Variants in KCNAB1 observed in about 807,000 individuals in gnomAD.
The protein encoded by KCNAB1 is voltage-gated potassium channel subunit beta-1.
Under a neutral mutation model 64.6 loss-of-function variants are expected in KCNAB1, and 35 were observed. That is an observed-to-expected ratio of 0.54 (90% CI 0.41 to 0.72). KCNAB1 has a LOEUF of 0.72. Ranked by LOEUF, KCNAB1 falls within the 30% of genes least tolerant of loss-of-function variation. KCNAB1 has a pLI of 0.00. For synonymous variants in KCNAB1, 177 were observed against 183.8 expected (o/e 0.96, Z 0.30); for missense variants, 401 against 512.9 (o/e 0.78, Z 2.11).
At chr3:156,166,170 T>C in intron 1 of KCNAB1, among the ~76,000 whole-genome samples, 1 of 152,222 alleles carries the variant, frequency 6.6e-6, no homozygotes, top group Non-Finnish European at 1.5e-5. Context: ...AAGACTAATG[T>C]CTCAGATGAT....
intron 8 of KCNAB1, among the ~76,000 whole-genome samples, chr3:156,491,022 C>T (rs1429467858): frequency 6.6e-6 from 1 of 152,134 alleles, no homozygotes; most frequent in Non-Finnish European, 1.5e-5. Context: ...GGAACCAAAA[C>T]ACCATGAAGC....
chr3:156,158,989 G>A (rs1313861116), intron 1 of KCNAB1, among the ~76,000 whole-genome samples: 1 of 152,134 alleles, frequency 6.6e-6, no homozygotes, highest in Non-Finnish European at 1.5e-5. Context: ...CTCCTAAGCT[G>A]CCTGACTGAG....
Position 156,333,337 on chromosome 3 carries a change from CACACAT to C in KCNAB1, c.276-88273_276-88268del, listed in dbSNP as rs758199642. On this transcript the variant is annotated intron_variant, in intron 1 of 13. Transcript: ENST00000490337. ...ACATAGAAACACACACACACACACA[CACACAT>C]ACACACACACACACACACGTGTATA... Among the ~76,000 whole-genome samples, 915 of 140,702 alleles carry C rather than the reference CACACAT, an allele frequency of 6.5e-3. 10 individuals are homozygous for C. Among genetic ancestry groups the C allele is most frequent in the East Asian group, 0.054 (272 of 5,080 alleles). 92.3% of individuals were successfully genotyped at this position (140,702 alleles called of 152,430 possible).
chr3:156,152,401 C>T lies in KCNAB1; in HGVS notation c.275+31515C>T, dbSNP rs1461295584. Among the ~76,000 whole-genome samples the T allele has an allele frequency of 4.6e-5, 7 of 152,234 alleles. No homozygotes were observed. The East Asian group carries it at 1.2e-3, about 25-fold the overall frequency. ...CCATCCCAAGAGGCTGAAGTGGCAG[C>T]CGAAGGAGAGGCCTGATACCAGCTG... On this transcript the variant is annotated intron_variant, in intron 1 of 13. Coordinates refer to ENST00000490337, the MANE Select transcript of KCNAB1 (RefSeq NM_172160.3).
At chr3:156,188,796 C>A (rs542861187) in intron 1 of KCNAB1, among the ~76,000 whole-genome samples, 13 of 152,246 alleles carry the variant, frequency 8.5e-5, no homozygotes, top group Middle Eastern at 6.8e-3. Flanking sequence ...TTCTACTATA[C>A]CCTGAGGCCT....
chr3:156,491,225 A>G (rs1458450304), intron 8 of KCNAB1, among the ~76,000 whole-genome samples: 1 of 152,122 alleles, frequency 6.6e-6, no homozygotes, highest in Admixed American at 6.6e-5. Flanking sequence ...AGGGAGGAGA[A>G]GAATTTTCCA....
At chr3:156,527,971 A>G (rs1168189950) in intron 12 of KCNAB1, among the ~76,000 whole-genome samples, 1 of 152,200 alleles carries the variant, frequency 6.6e-6, no homozygotes, top group African/African-American at 2.4e-5. Flanking sequence ...ATCCAGAATC[A>G]GCTGCAGTTG....
chr3:156,429,252 G>T lies in KCNAB1; in HGVS notation c.319+7593G>T, dbSNP rs964462675. On this transcript the variant is annotated intron_variant, in intron 2 of 13. Coordinates refer to ENST00000490337, the MANE Select transcript of KCNAB1 (RefSeq NM_172160.3). ...AAAAATGTGTGAACTGATATCTAGT[G>T]TACCCAGTGCCAGCAGCCATGATTC... is the stretch of plus-strand genomic sequence containing the variant. Among the ~76,000 whole-genome samples, 3 of 152,200 alleles carry T rather than the reference G, an allele frequency of 2.0e-5. No homozygotes were observed. In the East Asian group the frequency reaches 5.8e-4, roughly 29 times the overall value.
intron 1 of KCNAB1, among the ~76,000 whole-genome samples, chr3:156,379,121 C>G (rs1711954690): frequency 6.6e-6 from 1 of 152,202 alleles, no homozygotes; most frequent in African/African-American, 2.4e-5. Context: ...ACTCTGTGAG[C>G]ATTGCATGGC....
rs532563409 is a variant in KCNAB1 at position 156,196,839 on chromosome 3, T to C, written c.275+75953T>C. ...CCTGGCCAGAACTTCCAACACTATGTTGAATAGGAGTGGTGAGAGAGGGCA... is the reference window on the plus strand; with the variant it reads ...CCTGGCCAGAACTTCCAACACTATGCTGAATAGGAGTGGTGAGAGAGGGCA... On this transcript the variant is annotated intron_variant, in intron 1 of 13. Coordinates refer to ENST00000490337, the MANE Select transcript of KCNAB1 (RefSeq NM_172160.3). 2.0e-5 allele frequency among the ~76,000 whole-genome samples: 3 copies of C among 152,354 alleles called. No homozygotes were observed. In the South Asian group the frequency reaches 6.2e-4, roughly 32 times the overall value.
At chr3:156,224,020 G>C (rs1045091068) in intron 1 of KCNAB1, among the ~76,000 whole-genome samples, 1 of 152,234 alleles carries the variant, frequency 6.6e-6, no homozygotes, top group African/African-American at 2.4e-5. Flanking sequence ...GGTTGGGGGG[G>C]ATGTGAGACT....
intron 1 of KCNAB1, among the ~76,000 whole-genome samples, chr3:156,256,240 C>T (rs1718092800): frequency 6.6e-6 from 1 of 152,158 alleles, no homozygotes; most frequent in South Asian, 2.1e-4. Flanking sequence ...GACAATGCTC[C>T]CAGAAATCTG....
chr3:156,512,120 C>T (rs576798297), intron 8 of KCNAB1, among the ~76,000 whole-genome samples: 1 of 152,274 alleles, frequency 6.6e-6, no homozygotes, highest in African/African-American at 2.4e-5. Flanking sequence ...TTCTTTATAA[C>T]ACTTTACATT....
chr3:156,422,959 C>T (rs990896502), intron 2 of KCNAB1, among the ~76,000 whole-genome samples: 29 of 152,148 alleles, frequency 1.9e-4, no homozygotes, highest in Non-Finnish European at 1.5e-4. Context: ...TGACCAATCC[C>T]GTCAAGTGGT....
intron 1 of KCNAB1, among the ~76,000 whole-genome samples, chr3:156,173,010 GC>G (rs1424898333): frequency 6.6e-6 from 1 of 152,206 alleles, no homozygotes; most frequent in African/African-American, 2.4e-5. Context: ...TAAACATTTT[GC>G]TTCTAGGGAA....
At chr3:156,278,735 T>C (rs1719500395) in intron 1 of KCNAB1, among the ~76,000 whole-genome samples, 1 of 152,082 alleles carries the variant, frequency 6.6e-6, no homozygotes, top group Admixed American at 6.6e-5. Context: ...TGCTAATGCC[T>C]GTAAGTGAGC....
At chr3:156,453,180 C>A in intron 3 of KCNAB1, 3 of 352,324 alleles carry the variant, frequency 8.5e-6, no homozygotes, top group Non-Finnish European at 1.5e-5. Flanking sequence ...GAGAATGAAA[C>A]AATTTGGAAT....
At chr3:156,317,604 A>C (rs565998990) in intron 1 of KCNAB1, among the ~76,000 whole-genome samples, 3 of 152,280 alleles carry the variant, frequency 2.0e-5, no homozygotes, top group Admixed American at 2.0e-4. Flanking sequence ...GAAATGACTC[A>C]AAAAGATGAC....
chr3:156,489,800 A>T (rs1715504138), intron 8 of KCNAB1, among the ~76,000 whole-genome samples: 1 of 152,044 alleles, frequency 6.6e-6, no homozygotes, highest in Non-Finnish European at 1.5e-5. Flanking sequence ...AGCAGAACTG[A>T]GGAAAGATTT....
Sources: allele counts gnomAD v4.1 joint callset (sites outside exome capture counted in the v4.1 genomes callset), GRCh38; gene constraint gnomAD v4.1.1; transcripts MANE v1.5; gene names NCBI Gene and HGNC (gene_info 2026-07-23, HGNC 2026-07-21).